Variants in ITCH observed in about 807,000 individuals in gnomAD.
ITCH encodes E3 ubiquitin-protein ligase Itchy homolog.
ITCH carries 28 observed loss-of-function variants against 126.8 expected under a neutral mutation model. That is an observed-to-expected ratio of 0.22 (90% confidence interval 0.16 to 0.30). The LOEUF (loss-of-function observed/expected upper bound fraction) is 0.30. Ranked by LOEUF, ITCH falls within the 10% of genes least tolerant of loss-of-function variation. ITCH has a pLI of 1.00. For synonymous variants in ITCH, 342 were observed against 340.0 expected (o/e 1.01, Z -0.06); for missense variants, 631 against 1,032.4 (o/e 0.61, Z 5.33).
chr20:34,429,317 A>C (rs1045697548), intron 7 of ITCH, among the ~76,000 whole-genome samples: 5 of 152,140 alleles, frequency 3.3e-5, no homozygotes, highest in African/African-American at 1.2e-4. Flanking sequence ...TTCCGGATTG[A>C]TTTTCAAAAT....
chr20:34,383,925 A>G (rs2146032720), intron 2 of ITCH, among the ~76,000 whole-genome samples: 1 of 146,042 alleles, frequency 6.8e-6, no homozygotes, highest in Admixed American at 7.0e-5. Context: ...GCTCGTCGCA[A>G]CCTCTGCCTC....
In ITCH at chr20:34,507,921, A is replaced by AT; in HGVS notation, c.*128dup. 1 of 720,802 alleles carries AT rather than the reference A, an allele frequency of 1.4e-6. No individual in the cohort carries two copies. The highest frequency in any genetic ancestry group is 2.1e-5 in the Admixed American group (1 of 48,178). 44.7% of individuals were successfully genotyped at this position (720,802 alleles called of 1,614,324 possible). ...GAGTTATCTGAGTGTAAGTAAATTA[A>AT]TGTTCTCATTTAGATTTATCTCCCA... On this transcript the variant is annotated 3_prime_UTR_variant, in exon 25 of 25. Transcript: ENST00000374864.
rs1167341822 is a variant in ITCH, at chr20:34,383,361, GA to G, written c.-21-10429del. Among the ~76,000 whole-genome samples, 617 of 124,338 alleles carry G rather than the reference GA, an allele frequency of 5.0e-3. 5 individuals carry two copies. Among genetic ancestry groups the G allele is most frequent in the African/African-American group, 0.018 (581 of 31,704 alleles). The allele number at this position is 124,338 out of a possible 152,430, so 81.6% of individuals were successfully genotyped here. A position where few individuals can be genotyped will look rare whatever the true frequency, so the allele number is the denominator to read the frequency against. On this transcript the variant is annotated intron_variant, in intron 2 of 24. Transcript: ENST00000374864. ...CACCATGCCAGTCTTGGGCTTGATAGATTTTTTTTTTTTTTTTTTTTTGAGA... is the reference window on the plus strand; with the variant it reads ...CACCATGCCAGTCTTGGGCTTGATAGTTTTTTTTTTTTTTTTTTTTTGAGA...
At chr20:34,402,124 A>C (rs1395031751) in intron 3 of ITCH, 3 of 928,252 alleles carry the variant, frequency 3.2e-6, no homozygotes, top group Non-Finnish European at 5.2e-6. Context: ...CCAGCTATGC[A>C]GAAAGGGCTC....
In ITCH at chr20:34,460,220, A is replaced by T. The variant is rs572628319; in HGVS notation, c.1296-1873A>T. ...TTGTTGTTGTTTGAGACAAGGTCTC[A>T]GTCTGTCACCCAGGCTGGAGTGAAG... On this transcript the variant is annotated intron_variant, in intron 13 of 24. Coordinates refer to ENST00000374864, the MANE Select transcript of ITCH (RefSeq NM_031483.7). 3.9e-5 allele frequency among the ~76,000 whole-genome samples: 6 copies of T among 152,134 alleles called. No individual in the cohort carries two copies. In the South Asian group the frequency reaches 1.2e-3, roughly 32 times the overall value.
Position 34,477,836 on chromosome 20 carries a change from GT to G in ITCH, c.1637del (p.Leu546Ter). On this transcript the variant is annotated frameshift_variant, in exon 17 of 25. Coordinates refer to ENST00000374864, the MANE Select transcript of ITCH (RefSeq NM_031483.7). LOFTEE classifies it high-confidence loss of function. ...TGGGTGATTTTTCCAGGAGAAGAAG[GT>G]TTAGATTATGGAGGTGTAGCAAGGT... ...RLWVIFPGEE[G>X]LDYGGVAREW... 2 of 1,613,544 alleles carry G rather than the reference GT, an allele frequency of 1.2e-6. No homozygotes were observed. Among genetic ancestry groups the G allele is most frequent in the Non-Finnish European group, 1.7e-6 (2 of 1,179,556 alleles).
chr20:34,441,295 C>G (rs1003427171), intron 9 of ITCH, among the ~76,000 whole-genome samples: 1 of 152,052 alleles, frequency 6.6e-6, no homozygotes, highest in Non-Finnish European at 1.5e-5. Flanking sequence ...AAAATCATAG[C>G]AAAGTGATAG....
At chr20:34,465,803 G>C (rs78719605) in intron 14 of ITCH, among the ~76,000 whole-genome samples, 2 of 151,992 alleles carry the variant, frequency 1.3e-5, no homozygotes, top group Non-Finnish European at 2.9e-5. Context: ...AGGGTTTTTC[G>C]TTGTGGAATA....
chr20:34,400,099 C>T (rs1351900172), intron 3 of ITCH, among the ~76,000 whole-genome samples: 3 of 151,972 alleles, frequency 2.0e-5, no homozygotes, highest in Admixed American at 1.3e-4. Context: ...CCACCAAGCC[C>T]AGCTGATTTT....
intron 6 of ITCH, among the ~76,000 whole-genome samples, chr20:34,419,545 G>A (rs1980456983): frequency 6.6e-6 from 1 of 151,190 alleles, no homozygotes; most frequent in South Asian, 2.1e-4. Flanking sequence ...GCAGTGGCAC[G>A]ATCTTGGCTC....
chr20:34,440,013 T>C (rs1213930328), intron 8 of ITCH, 142 bp from the exon 9 acceptor site: 3 of 657,448 alleles, frequency 4.6e-6, no homozygotes, highest in Non-Finnish European at 7.9e-6. Context: ...CCATTACTTA[T>C]TTCTTTAAGT....
At chr20:34,461,792 C>T (rs754095229) in intron 13 of ITCH, among the ~76,000 whole-genome samples, 2 of 148,204 alleles carry the variant, frequency 1.3e-5, no homozygotes, top group Admixed American at 1.3e-4. Flanking sequence ...TAGAGATGAA[C>T]GTGAAGATTT....
At chr20:34,484,292 G>A (rs1163885743) in intron 20 of ITCH, among the ~76,000 whole-genome samples, 1 of 152,090 alleles carries the variant, frequency 6.6e-6, no homozygotes. Flanking sequence ...TCCAGCCAGG[G>A]TTAAATTTTG....
chr20:34,433,710 A>T (rs1348588331), intron 7 of ITCH, among the ~76,000 whole-genome samples: 10 of 151,780 alleles, frequency 6.6e-5, no homozygotes, highest in African/African-American at 2.4e-4. Flanking sequence ...ATTAAATTGT[A>T]GTATGTCTAT....
At chr20:34,421,547 A>G (rs1007484107) in intron 6 of ITCH, among the ~76,000 whole-genome samples, 9 of 152,314 alleles carry the variant, frequency 5.9e-5, no homozygotes, top group Admixed American at 1.3e-4. Flanking sequence ...GTGGTTAAGA[A>G]CAACCATTGT....
chr20:34,424,254 C>T (rs2424992), intron 6 of ITCH, among the ~76,000 whole-genome samples: 68,016 of 151,908 alleles, frequency 0.45, 15,783 homozygotes, highest in Middle Eastern at 0.51. Flanking sequence ...ATTAACATCC[C>T]GTATCCATTA....
intron 1 of ITCH, among the ~76,000 whole-genome samples, 186 bp downstream of exon 1, chr20:34,363,535 C>T (rs567926945): frequency 8.5e-4 from 129 of 152,026 alleles, no homozygotes; most frequent in Non-Finnish European, 1.5e-3. Flanking sequence ...TGGCCCGGGC[C>T]GGGCGGTGGG....
Position 34,432,921 on chromosome 20 carries a change from C to T in ITCH, c.522-5553C>T, listed in dbSNP as rs187417149. Among the ~76,000 whole-genome samples, 7 of 152,220 alleles carry T rather than the reference C, an allele frequency of 4.6e-5. No homozygotes were observed. The East Asian group carries it at 7.7e-4, about 17-fold the overall frequency. ...GCAGTGAGCTGAAATCATGCCACTGCGTTCCAGGCTGGGTGACAGAGCGAG... is the reference window on the plus strand; with the variant it reads ...GCAGTGAGCTGAAATCATGCCACTGTGTTCCAGGCTGGGTGACAGAGCGAG... On this transcript the variant is annotated intron_variant, in intron 7 of 24. Transcript: ENST00000374864.
At chr20:34,409,139 T>TTC (rs1310531922) in intron 4 of ITCH, among the ~76,000 whole-genome samples, 2 of 82,784 alleles carry the variant, frequency 2.4e-5, no homozygotes, top group African/African-American at 1.1e-4. Flanking sequence ...TTATGAGTAC[T>TTC]CCCCCCCCCC....
Sources: gnomAD v4.1 joint callset for allele counts (sites outside exome capture counted in the v4.1 genomes callset) on GRCh38, gnomAD v4.1.1 for gene constraint, MANE v1.5 for transcripts, NCBI Gene and HGNC (gene_info 2026-07-23, HGNC 2026-07-21) for gene names.